GPC6: variants seen among roughly 807,000 people sequenced by gnomAD.
GPC6 encodes glypican 6, also known as glypican-6.
In GPC6, 14 loss-of-function variants were observed where a neutral mutation model predicts 55.2. The observed-to-expected ratio is 0.25, with a 90% CI of 0.17 to 0.40. GPC6 has a LOEUF of 0.40. GPC6 is among the 10% of genes least tolerant of loss of function. The probability of loss-of-function intolerance (pLI) is 1.00; values close to 1 mark genes in which losing one functional copy is unlikely to be tolerated. For synonymous variants in GPC6, 278 were observed against 259.6 expected, an observed-to-expected ratio of 1.07 and a Z score of -0.68; for missense variants, 641 against 708.5, an observed-to-expected ratio of 0.90 and a Z score of 1.08.
intron 1 of GPC6, among the ~76,000 whole-genome samples, chr13:93,419,510 A>T (rs1169646879): frequency 6.6e-6 from 1 of 152,112 alleles, no homozygotes; most frequent in Admixed American, 6.6e-5. Context: ...CCACTTTGCT[A>T]TTATGGAGCT....
intron 2 of GPC6, among the ~76,000 whole-genome samples, chr13:93,656,405 T>C (rs964709238): frequency 2.0e-5 from 3 of 152,268 alleles, no homozygotes; most frequent in Non-Finnish European, 4.4e-5. Context: ...ATTTATTTCA[T>C]CATTACTATA....
intron 1 of GPC6, among the ~76,000 whole-genome samples, chr13:93,336,772 G>A (rs1880059079): frequency 6.6e-6 from 1 of 152,022 alleles, no homozygotes; most frequent in Non-Finnish European, 1.5e-5. Flanking sequence ...GACTTGCAGA[G>A]ACCTCCTGTA....
intron 2 of GPC6, among the ~76,000 whole-genome samples, chr13:93,767,699 G>A (rs903929590): frequency 6.6e-6 from 1 of 152,222 alleles, no homozygotes; most frequent in East Asian, 1.9e-4. Context: ...AGTAAAAACC[G>A]ATTACCATCA....
intron 2 of GPC6, among the ~76,000 whole-genome samples, chr13:93,799,820 C>A (rs1886314563): frequency 6.6e-6 from 1 of 152,184 alleles, no homozygotes; most frequent in South Asian, 2.1e-4. Flanking sequence ...GCACTGGGCA[C>A]TGGGGCAGGT....
Position 94,083,398 on chromosome 13 carries a change from A to T in GPC6, c.877+55504A>T, listed in dbSNP as rs9589900. Among the ~76,000 whole-genome samples the T allele has an allele frequency of 3.9e-5, 6 of 152,214 alleles. 1 individual carries two copies. The highest frequency in any genetic ancestry group is 4.1e-4 in the South Asian group (2 of 4,828). On this transcript the variant is annotated intron_variant, in intron 4 of 8. Transcript: ENST00000377047. ...CTCCCAAAGTGCTGGGATTACAGGC[A>T]TGAGCCACTGCACCCGGCCAGGTTT... is the stretch of plus-strand genomic sequence containing the variant.
At chr13:94,154,153 T>C (rs1057168628) in intron 4 of GPC6, 1 of 152,144 alleles carries the variant, frequency 6.6e-6, no homozygotes, top group Non-Finnish European at 1.5e-5. Context: ...TAAATTTATA[T>C]TAAGATGCCA....
At chr13:93,550,848 A>C (rs187347978) in intron 2 of GPC6, among the ~76,000 whole-genome samples, 14 of 152,302 alleles carry the variant, frequency 9.2e-5, no homozygotes, top group African/African-American at 2.6e-4. Flanking sequence ...ACCATAGAGA[A>C]GGCACTTAAC....
At chr13:93,892,807 A>T (rs1875768905) in intron 3 of GPC6, among the ~76,000 whole-genome samples, 1 of 152,152 alleles carries the variant, frequency 6.6e-6, no homozygotes, top group Admixed American at 6.5e-5. Flanking sequence ...TGGCTCTGAA[A>T]ATCTGCAGTG....
At chr13:93,600,725 G>A (rs1411478480) in intron 2 of GPC6, among the ~76,000 whole-genome samples, 1 of 152,028 alleles carries the variant, frequency 6.6e-6, no homozygotes, top group Non-Finnish European at 1.5e-5. Flanking sequence ...GCTGAGGCGG[G>A]TGGATCACGA....
rs372755250 is a variant in GPC6 at position 93,295,724 on chromosome 13, G to A, written c.160+68108G>A. On this transcript the variant is annotated intron_variant, in intron 1 of 8. Transcript: ENST00000377047. ...TCTCGATCTCCTGACCTTGTGATCCGCCCACCTTGGGGCTCCTGTGTCATC... is the reference window on the plus strand; with the variant it reads ...TCTCGATCTCCTGACCTTGTGATCCACCCACCTTGGGGCTCCTGTGTCATC... 1.5e-4 allele frequency among the ~76,000 whole-genome samples: 23 copies of A among 151,942 alleles called. No individual in the cohort carries two copies. In the East Asian group the frequency reaches 1.9e-3, roughly 13 times the overall value.
At position 93,492,908 on chromosome 13, in the gene GPC6, G is replaced by C. The variant is rs1176691441; in HGVS notation, c.161-52355G>C. Among the ~76,000 whole-genome samples, 3 of 141,904 alleles carry C rather than the reference G, an allele frequency of 2.1e-5. No homozygotes were observed. The Admixed American group carries it at 2.1e-4, about 10-fold the overall frequency. 93.1% of individuals were successfully genotyped at this position (141,904 alleles called of 152,430 possible). Reference sequence around the variant, plus strand: ...TGGTGGATAAGCTTTTTGATGTGCTGCTGGATTCGGTTTGCCAGTATTTTA... The same window carrying C: ...TGGTGGATAAGCTTTTTGATGTGCTCCTGGATTCGGTTTGCCAGTATTTTA... On this transcript the variant is annotated intron_variant, in intron 1 of 8. Transcript: ENST00000377047.
At chr13:93,481,862 T>C (rs72640578) in intron 1 of GPC6, among the ~76,000 whole-genome samples, 23,862 of 152,148 alleles carry the variant, frequency 0.16, 2,405 homozygotes, top group Middle Eastern at 0.26. Flanking sequence ...GTCCTGCAAA[T>C]TTGTTCTTTT....
At chr13:93,335,354 G>A (rs1880009945) in intron 1 of GPC6, among the ~76,000 whole-genome samples, 1 of 152,118 alleles carries the variant, frequency 6.6e-6, no homozygotes, top group African/African-American at 2.4e-5. Flanking sequence ...AGTTTACCAA[G>A]TTCTTTCATT....
chr13:94,152,066 G>T (rs1887762469), intron 4 of GPC6, among the ~76,000 whole-genome samples: 2 of 152,080 alleles, frequency 1.3e-5, no homozygotes, highest in South Asian at 4.1e-4. Context: ...AAAATTGGGT[G>T]ACCCAAGGTT....
rs535743244 is a variant in GPC6, at chr13:94,280,959, G to A, written c.878-5390G>A. Among the ~76,000 whole-genome samples the A allele has an allele frequency of 1.1e-4, 16 of 152,202 alleles. No individual in the cohort carries two copies. The East Asian group carries it at 3.1e-3, about 29-fold the overall frequency. ...TCAAATTTCCCCCAAAAGAAGGAAA[G>A]TTGTTTTTTATTTTTTTAATTTTAA... On this transcript the variant is annotated intron_variant, in intron 4 of 8. Transcript: ENST00000377047.
intron 4 of GPC6, among the ~76,000 whole-genome samples, chr13:94,237,932 C>T (rs901444033): frequency 6.6e-6 from 1 of 152,014 alleles, no homozygotes; most frequent in Non-Finnish European, 1.5e-5. Flanking sequence ...GTATTCCAGG[C>T]AAGAGATTAT....
At chr13:94,242,461 A>C (rs1327608050) in intron 4 of GPC6, among the ~76,000 whole-genome samples, 1 of 152,062 alleles carries the variant, frequency 6.6e-6, no homozygotes, top group African/African-American at 2.4e-5. Context: ...TTATTGTGGC[A>C]CTATTCACAA....
intron 1 of GPC6, among the ~76,000 whole-genome samples, chr13:93,439,009 C>T (rs2590506): frequency 0.31 from 47,579 of 151,958 alleles, 7,580 homozygotes; most frequent in East Asian, 0.36. Context: ...ATTAATGACT[C>T]ACTGAAAGCT....
chr13:93,518,183 A>G (rs917881683), intron 1 of GPC6, among the ~76,000 whole-genome samples: 3 of 151,936 alleles, frequency 2.0e-5, no homozygotes, highest in African/African-American at 7.2e-5. Context: ...TATCGAAGAG[A>G]AAATGGTGGT....
Sources: allele counts gnomAD v4.1 joint callset (sites outside exome capture counted in the v4.1 genomes callset), GRCh38; gene constraint gnomAD v4.1.1; transcripts MANE v1.5; gene names NCBI Gene and HGNC (gene_info 2026-07-23, HGNC 2026-07-21).